NDRG1: variants seen among roughly 807,000 people sequenced by gnomAD.
NDRG1 encodes N-myc downstream regulated 1.
In NDRG1, 32 loss-of-function variants were observed where a neutral mutation model predicts 56.9. The observed-to-expected ratio is 0.56, with a 90% CI of 0.42 to 0.76. NDRG1 has a LOEUF of 0.76. Ranked by LOEUF, NDRG1 falls within the 30% of genes least tolerant of loss-of-function variation. The probability of loss-of-function intolerance (pLI) is 0.00; values close to 1 mark genes in which losing one functional copy is unlikely to be tolerated. For missense variants in NDRG1, 507 were observed against 545.7 expected (o/e 0.93, Z 0.71); for synonymous variants, 211 against 204.1 (o/e 1.03, Z -0.29).
chr8:133,237,625 A>G lies in NDRG1; in HGVS notation c.*1253T>C. The G allele has an allele frequency of 4.3e-6, 1 of 233,180 alleles. No homozygotes were observed. Among genetic ancestry groups the G allele is most frequent in the Non-Finnish European group, 8.5e-6 (1 of 118,000 alleles). The allele number at this position is 233,180 out of a possible 1,614,324, so 14.4% of individuals were successfully genotyped here. On this transcript the variant is annotated 3_prime_UTR_variant, in exon 16 of 16. Coordinates refer to ENST00000323851, the MANE Select transcript of NDRG1 (RefSeq NM_006096.4). The stretch of plus-strand genomic sequence containing the variant: ...AAAAGAGGAAGCAGGAGAGGGAAGG[A>G]AAGTCCCATGGAATATGTATTCCAG...
intron 1 of NDRG1, among the ~76,000 whole-genome samples, chr8:133,287,211 T>C (rs947645922): frequency 6.6e-6 from 1 of 152,028 alleles, no homozygotes; most frequent in African/African-American, 2.4e-5. Context: ...GCCAAGGTGC[T>C]TCGGCTCAAG....
chr8:133,264,050 T>A (rs72731568), intron 4 of NDRG1, among the ~76,000 whole-genome samples: 2 of 152,016 alleles, frequency 1.3e-5, no homozygotes, highest in Non-Finnish European at 2.9e-5. Context: ...TGGATAAACC[T>A]TGAAAGCACT....
intron 1 of NDRG1, among the ~76,000 whole-genome samples, chr8:133,285,375 C>T (rs1586492001): frequency 6.6e-6 from 1 of 152,182 alleles, no homozygotes; most frequent in African/African-American, 2.4e-5. Context: ...CCAGGCCACC[C>T]ACCCAGTTCA....
intron 2 of NDRG1, among the ~76,000 whole-genome samples, chr8:133,281,802 T>C (rs1477093076): frequency 6.6e-6 from 1 of 152,150 alleles, no homozygotes; most frequent in Non-Finnish European, 1.5e-5. Context: ...TTTGGGTAAA[T>C]TCAAGTGGAA....
intron 9 of NDRG1, among the ~76,000 whole-genome samples, 181 bp from the exon 10 acceptor site, chr8:133,250,724 C>T (rs1219981473): frequency 6.6e-6 from 1 of 151,918 alleles, no homozygotes; most frequent in Non-Finnish European, 1.5e-5. Context: ...CAGGTGCAGA[C>T]AGGGGTTTCA....
chr8:133,284,319 C>A lies in NDRG1; in HGVS notation c.-8G>T. Reference sequence around the variant, plus strand: ...CTGCATCTCCCGAGACATGTCCCTGCTGTCACCTGCCTGCAAGGAGACAAA... The same window carrying A: ...CTGCATCTCCCGAGACATGTCCCTGATGTCACCTGCCTGCAAGGAGACAAA... On this transcript the variant is annotated 5_prime_UTR_variant, in exon 2 of 16. Coordinates refer to ENST00000323851, the MANE Select transcript of NDRG1 (RefSeq NM_006096.4). The A allele has an allele frequency of 6.2e-7, 1 of 1,614,122 alleles. No homozygotes were observed. Among genetic ancestry groups the A allele is most frequent in the Non-Finnish European group, 8.5e-7 (1 of 1,180,030 alleles).
intron 15 of NDRG1, chr8:133,241,415 C>T (rs1218824189): frequency 6.2e-6 from 1 of 162,200 alleles, no homozygotes; most frequent in Non-Finnish European, 1.4e-5. Flanking sequence ...TCCTCCACTT[C>T]CCAAAGCTCA....
intron 5 of NDRG1, among the ~76,000 whole-genome samples, chr8:133,260,628 G>C (rs1856614746): frequency 6.6e-6 from 1 of 152,124 alleles, no homozygotes; most frequent in African/African-American, 2.4e-5. Context: ...CACACCTCTG[G>C]CTTTATCTGC....
chr8:133,267,796 CCT>C (rs1273303249), intron 3 of NDRG1, among the ~76,000 whole-genome samples: 2 of 152,190 alleles, frequency 1.3e-5, no homozygotes, highest in African/African-American at 2.4e-5. Context: ...GGTCCTCACC[CCT>C]GAGCTGGGAG....
intron 1 of NDRG1, chr8:133,288,493 A>G (rs899377383): frequency 6.6e-6 from 1 of 151,914 alleles, no homozygotes; most frequent in African/African-American, 2.4e-5. Flanking sequence ...TGGTGCTTCC[A>G]CTCCTGCTCC....
chr8:133,259,963 C>T (rs563416197), intron 5 of NDRG1, among the ~76,000 whole-genome samples: 7 of 152,154 alleles, frequency 4.6e-5, no homozygotes, highest in African/African-American at 7.2e-5. Context: ...GCAGTGTATG[C>T]GGACGCCCTG....
intron 3 of NDRG1, among the ~76,000 whole-genome samples, chr8:133,266,199 C>T (rs1856910641): frequency 1.3e-5 from 2 of 152,258 alleles, no homozygotes; most frequent in African/African-American, 4.8e-5. Flanking sequence ...CTCCGCGGGG[C>T]CCCAGGCTTC....
intron 1 of NDRG1, among the ~76,000 whole-genome samples, chr8:133,294,516 C>T (rs1858622127): frequency 6.6e-6 from 1 of 152,204 alleles, no homozygotes; most frequent in Non-Finnish European, 1.5e-5. Flanking sequence ...ATGGGATTCT[C>T]TGGGGTTGGG....
At chr8:133,264,493 C>G (rs1856815208) in intron 4 of NDRG1, 54 bp downstream of exon 4, 1 of 1,553,934 alleles carries the variant, frequency 6.4e-7, no homozygotes, top group Non-Finnish European at 8.9e-7. Context: ...CTGCCTTTTT[C>G]CGCCACTCTC....
intron 1 of NDRG1, among the ~76,000 whole-genome samples, chr8:133,293,708 T>C (rs1199469316): frequency 2.0e-5 from 3 of 152,202 alleles, no homozygotes; most frequent in Non-Finnish European, 4.4e-5. Context: ...TTCTCAACTC[T>C]GTCTGCCTGC....
intron 5 of NDRG1, 110 bp downstream of exon 5, chr8:133,261,937 G>GT: frequency 1.4e-6 from 2 of 1,407,988 alleles, no homozygotes; most frequent in South Asian, 1.5e-5. Flanking sequence ...AAGATGATAC[G>GT]TTTTATATTT....
chr8:133,237,399 C>T lies in NDRG1; in HGVS notation c.*1479G>A, dbSNP rs569014030. 2.2e-5 allele frequency: 5 copies of T among 232,308 alleles called. No individual in the cohort carries two copies. Among genetic ancestry groups the T allele is most frequent in the Middle Eastern group, 1.3e-3 (1 of 780 alleles). 14.4% of individuals were successfully genotyped at this position (232,308 alleles called of 1,614,324 possible). On this transcript the variant is annotated 3_prime_UTR_variant, in exon 16 of 16. Coordinates refer to ENST00000323851, the MANE Select transcript of NDRG1 (RefSeq NM_006096.4). ...GGAAGGCTGGACTACTTCCTCCTCC[C>T]AACTGCGGGGTCCCAGAAATCCTCG...
intron 15 of NDRG1, 89 bp downstream of exon 15, chr8:133,241,934 A>G: frequency 6.8e-7 from 1 of 1,479,396 alleles, no homozygotes; most frequent in South Asian, 1.1e-5. Flanking sequence ...GGGGACACAG[A>G]ATTGCTCATC....
At chr8:133,263,365 C>G (rs111696157) in intron 4 of NDRG1, among the ~76,000 whole-genome samples, 1 of 152,210 alleles carries the variant, frequency 6.6e-6, no homozygotes, top group African/African-American at 2.4e-5. Context: ...CGTCAAAAAT[C>G]AAGCAAGCTT....
Sources: allele counts gnomAD v4.1 joint callset (sites outside exome capture counted in the v4.1 genomes callset), GRCh38; gene constraint gnomAD v4.1.1; transcripts MANE v1.5; gene names NCBI Gene and HGNC (gene_info 2026-07-23, HGNC 2026-07-21).